FANCD2: variants seen among roughly 807,000 people sequenced by gnomAD.
The protein encoded by FANCD2 is FA complementation group D2.
Under a neutral mutation model 192.3 loss-of-function variants are expected in FANCD2, and 131 were observed. The observed-to-expected ratio is 0.68, with a 90% CI of 0.59 to 0.79. The LOEUF (loss-of-function observed/expected upper bound fraction) is 0.79, where lower values mean the gene tolerates loss of function less well. FANCD2 is among the 30% of genes least tolerant of loss of function. FANCD2 has a pLI of 0.00. For missense variants in FANCD2, 1,508 were observed against 1,701.6 expected, an observed-to-expected ratio of 0.89 and a Z score of 2.00; for synonymous variants, 524 against 612.5, an observed-to-expected ratio of 0.86 and a Z score of 2.13.
intron 30 of FANCD2, among the ~76,000 whole-genome samples, chr3:10,079,894 T>G (rs999805298): frequency 1.3e-5 from 2 of 152,042 alleles, no homozygotes; most frequent in African/African-American, 4.8e-5. Context: ...TTTCTTGGTT[T>G]CTTGATTCAT....
chr3:10,045,793 G>A (rs1183332576), intron 14 of FANCD2: 8 of 151,346 alleles, frequency 5.3e-5, no homozygotes, highest in African/African-American at 1.9e-4. Context: ...GTAGAGACAG[G>A]GTTTCAGCAT....
intron 42 of FANCD2, 100 bp from the exon 43 acceptor site, chr3:10,098,618 TAA>T: frequency 2.1e-6 from 3 of 1,449,886 alleles, no homozygotes; most frequent in East Asian, 2.5e-5. Context: ...TTTGAATGGC[TAA>T]AATATCTTCC....
At chr3:10,086,019 G>A (rs554557253) in intron 33 of FANCD2, 97 bp downstream of exon 33, 7 of 802,310 alleles carry the variant, frequency 8.7e-6, no homozygotes, top group South Asian at 1.4e-5. Flanking sequence ...TCTTTCAGTA[G>A]TTGTAAAGGA....
chr3:10,069,459 G>GGCCCTC (rs758011243), intron 26 of FANCD2, among the ~76,000 whole-genome samples: 1 of 129,432 alleles, frequency 7.7e-6, no homozygotes, highest in African/African-American at 3.9e-5. Flanking sequence ...TAGTTAAGAT[G>GGCCCTC]CCTCTCCCCC....
At chr3:10,027,236 A>C (rs1192727555) in intron 1 of FANCD2, among the ~76,000 whole-genome samples, 1 of 152,194 alleles carries the variant, frequency 6.6e-6, no homozygotes, top group East Asian at 1.9e-4. Flanking sequence ...GCCCCAGTCT[A>C]GTGTGAGGTA....
chr3:10,096,139 G>A (rs1559409348), intron 41 of FANCD2, among the ~76,000 whole-genome samples, 187 bp from the exon 42 acceptor site: 1 of 152,176 alleles, frequency 6.6e-6, no homozygotes, highest in Non-Finnish European at 1.5e-5. Context: ...ATGTCTTCTA[G>A]GCTTTGAATT....
intron 17 of FANCD2, among the ~76,000 whole-genome samples, chr3:10,050,399 C>T (rs1390039281): frequency 6.6e-6 from 1 of 151,902 alleles, no homozygotes; most frequent in Non-Finnish European, 1.5e-5. Flanking sequence ...CCAAGGCGGG[C>T]AAATCACGAG....
At position 10,076,097 on chromosome 3, in the gene FANCD2, G is replaced by A. The variant is rs1300616519; in HGVS notation, c.2859+1424G>A. 4.0e-5 allele frequency among the ~76,000 whole-genome samples: 6 copies of A among 150,144 alleles called. No individual in the cohort carries two copies. In the East Asian group the frequency reaches 7.8e-4, roughly 20 times the overall value. ...CCCTTAGGAGATGCCACATAAATGT[G>A]TATTGAGTGAGCAGTTTGCAGTGAG... On this transcript the variant is annotated intron_variant, in intron 29 of 43. Transcript: ENST00000675286.
chr3:10,030,986 T>C (rs1321113099), intron 2 of FANCD2, among the ~76,000 whole-genome samples: 1 of 152,152 alleles, frequency 6.6e-6, no homozygotes, highest in Non-Finnish European at 1.5e-5. Context: ...GTAGAAAATT[T>C]GAAACTGAAG....
At chr3:10,030,295 C>T (rs924750675) in intron 2 of FANCD2, among the ~76,000 whole-genome samples, 3 of 151,686 alleles carry the variant, frequency 2.0e-5, no homozygotes, top group Non-Finnish European at 4.4e-5. Context: ...AGGGGTTTCA[C>T]CGTGTTAGTC....
chr3:10,097,005 G>C (rs1251609458), intron 42 of FANCD2, among the ~76,000 whole-genome samples: 1 of 152,090 alleles, frequency 6.6e-6, no homozygotes, highest in Middle Eastern at 3.2e-3. Flanking sequence ...GGGCGTCCGG[G>C]GGAGACATCA....
intron 7 of FANCD2, 150 bp from the exon 8 acceptor site, chr3:10,039,129 A>G (rs1381107428): frequency 3.8e-6 from 2 of 530,074 alleles, no homozygotes; most frequent in East Asian, 2.9e-5. Context: ...CATCTTGGGT[A>G]TCACTTGTGT....
chr3:10,066,034 A>T (rs2087710713), intron 25 of FANCD2, 55 bp downstream of exon 25: 1 of 1,158,826 alleles, frequency 8.6e-7, no homozygotes, highest in African/African-American at 1.5e-5. Flanking sequence ...TCTCAAAACT[A>T]TTTTCTTAGT....
At chr3:10,074,130 G>C (rs1693400185) in intron 28 of FANCD2, among the ~76,000 whole-genome samples, 1 of 152,100 alleles carries the variant, frequency 6.6e-6, no homozygotes, top group Non-Finnish European at 1.5e-5. Context: ...ATTTTTAGTA[G>C]AGACGGGGTT....
chr3:10,050,512 A>G (rs891794921), intron 17 of FANCD2, among the ~76,000 whole-genome samples: 28 of 151,310 alleles, frequency 1.9e-4, no homozygotes, highest in African/African-American at 6.8e-4. Context: ...AGTCCCAGCT[A>G]CTCAAGAGGC....
Position 10,084,421 on chromosome 3 carries a change from T to C in FANCD2, c.3225-1391T>C, listed in dbSNP as rs573608049. ...CCTCCCACCTCAGCCTCCCAAGCAG[T>C]TGGGACTGCAGGCATGTACCACCAT... On this transcript the variant is annotated intron_variant, in intron 32 of 43. Transcript: ENST00000675286. Among the ~76,000 whole-genome samples the C allele has an allele frequency of 1.1e-4, 16 of 151,732 alleles. No individual in the cohort carries two copies. In the South Asian group the frequency reaches 2.7e-3, roughly 26 times the overall value.
intron 2 of FANCD2, among the ~76,000 whole-genome samples, chr3:10,030,771 G>A (rs545987400): frequency 5.3e-5 from 8 of 152,194 alleles, no homozygotes; most frequent in Admixed American, 4.6e-4. Context: ...GTGGTGTCAC[G>A]TGTCTGTAAT....
chr3:10,036,198 C>T (rs550991369), intron 6 of FANCD2, 89 bp from the exon 7 acceptor site: 44 of 1,072,004 alleles, frequency 4.1e-5, no homozygotes, highest in South Asian at 2.9e-4. Flanking sequence ...AAGAGGTTCT[C>T]GTGCCTCAGC....
chr3:10,036,261 C>T (rs942285028), intron 6 of FANCD2, 26 bp from the exon 7 acceptor site: 1 of 1,589,922 alleles, frequency 6.3e-7, no homozygotes. Context: ...AGATCATCTC[C>T]TAACTCCCTA....
Sources: allele counts gnomAD v4.1 joint callset (sites outside exome capture counted in the v4.1 genomes callset), GRCh38; gene constraint gnomAD v4.1.1; transcripts MANE v1.5; gene names NCBI Gene and HGNC (gene_info 2026-07-23, HGNC 2026-07-21).